Variants in ST8SIA6 observed in about 807,000 individuals in gnomAD.
ST8SIA6 encodes ST8 alpha-N-acetyl-neuraminide alpha-2,8-sialyltransferase 6, also known as alpha-2,8-sialyltransferase 8F.
ST8SIA6 carries 39 observed loss-of-function variants against 33.6 expected under a neutral mutation model. That is an observed-to-expected ratio of 1.16 (90% confidence interval 0.90 to 1.52). The LOEUF is 1.52. Among genes scored for constraint, ST8SIA6 ranks in the 40% most tolerant of loss-of-function variants. The pLI is 0.00. For synonymous variants in ST8SIA6, 172 were observed against 167.2 expected, an observed-to-expected ratio of 1.03 and a Z score of -0.22; for missense variants, 441 against 443.8, an observed-to-expected ratio of 0.99 and a Z score of 0.06.
At chr10:17,341,900 C>CAAAAAAAA (rs71393004) in intron 4 of ST8SIA6, among the ~76,000 whole-genome samples, 11 of 73,144 alleles carry the variant, frequency 1.5e-4, no homozygotes, top group Admixed American at 4.0e-4. Flanking sequence ...GGCTCCATCT[C>CAAAAAAAA]AAAAAAAAAA....
At chr10:17,452,599 C>T (rs564575511) in intron 2 of ST8SIA6, among the ~76,000 whole-genome samples, 1 of 152,128 alleles carries the variant, frequency 6.6e-6, no homozygotes, top group Admixed American at 6.5e-5. Context: ...GTCTGTCCAT[C>T]TTGGGTAATT....
intron 3 of ST8SIA6, among the ~76,000 whole-genome samples, chr10:17,368,229 C>A (rs71486230): frequency 4.3e-5 from 3 of 70,252 alleles, no homozygotes; most frequent in Non-Finnish European, 7.8e-5. Context: ...AATCCTGTCT[C>A]TACAAAAAAA....
intron 2 of ST8SIA6, among the ~76,000 whole-genome samples, chr10:17,444,877 C>G (rs1263215428): frequency 6.6e-6 from 1 of 152,166 alleles, no homozygotes; most frequent in Non-Finnish European, 1.5e-5. Flanking sequence ...GAAAAAGAAG[C>G]AGAATGCAAG....
intron 4 of ST8SIA6, among the ~76,000 whole-genome samples, chr10:17,331,856 T>C (rs1385309531): frequency 6.6e-6 from 1 of 152,232 alleles, no homozygotes; most frequent in Non-Finnish European, 1.5e-5. Context: ...TAGGTACATG[T>C]GTGCCATGGT....
chr10:17,345,939 T>C (rs925544801), intron 4 of ST8SIA6, among the ~76,000 whole-genome samples: 1 of 152,194 alleles, frequency 6.6e-6, no homozygotes, highest in Admixed American at 6.5e-5. Flanking sequence ...TTCCTCCGCT[T>C]GAATCGGGGC....
intron 3 of ST8SIA6, among the ~76,000 whole-genome samples, chr10:17,361,709 T>TG (rs1286006241): frequency 3.1e-4 from 40 of 129,340 alleles, no homozygotes; most frequent in Admixed American, 2.7e-3. Flanking sequence ...GAAAAGACAT[T>TG]GGGAAAAAAA....
In ST8SIA6 at chr10:17,318,050, C is replaced by T. The variant is rs887121935; in HGVS notation, c.*2828G>A. ...CTATATACTTAAATGAATATTTCTG[C>T]CTTGCCTTTGGATTTGGCTGAAAAT... On this transcript the variant is annotated 3_prime_UTR_variant, in exon 8 of 8. Coordinates refer to ENST00000377602, the MANE Select transcript of ST8SIA6 (RefSeq NM_001004470.3). Among the ~76,000 whole-genome samples the T allele has an allele frequency of 3.3e-5, 5 of 152,102 alleles. No homozygotes were observed. The highest frequency in any genetic ancestry group is 1.2e-4 in the African/African-American group (5 of 41,416).
At chr10:17,422,115 A>G (rs550583941) in intron 2 of ST8SIA6, among the ~76,000 whole-genome samples, 1 of 152,284 alleles carries the variant, frequency 6.6e-6, no homozygotes, top group African/African-American at 2.4e-5. Context: ...GATCTCTTTC[A>G]CTTTTAATCA....
intron 2 of ST8SIA6, among the ~76,000 whole-genome samples, chr10:17,450,400 C>T (rs1181692609): frequency 1.3e-5 from 2 of 152,186 alleles, no homozygotes; most frequent in Non-Finnish European, 2.9e-5. Flanking sequence ...TTGACCGCTG[C>T]ATCACCTAAG....
chr10:17,442,630 A>C (rs568678087), intron 2 of ST8SIA6, among the ~76,000 whole-genome samples: 71 of 152,318 alleles, frequency 4.7e-4, no homozygotes, highest in African/African-American at 1.6e-3. Context: ...TATTTATTTG[A>C]AAAAATTCTC....
At chr10:17,387,210 G>A (rs1371764461) in intron 3 of ST8SIA6, 6 of 152,002 alleles carry the variant, frequency 3.9e-5, no homozygotes, top group Non-Finnish European at 7.3e-5. Context: ...CCCCTTGCAA[G>A]CTTAAGGCCC....
At chr10:17,397,179 A>G (rs1365678250) in intron 2 of ST8SIA6, among the ~76,000 whole-genome samples, 7 of 149,658 alleles carry the variant, frequency 4.7e-5, no homozygotes, top group Non-Finnish European at 1.0e-4. Flanking sequence ...TTTCTCCTTC[A>G]GCTCCATCCT....
At chr10:17,426,685 C>A (rs116669640) in intron 2 of ST8SIA6, among the ~76,000 whole-genome samples, 2,401 of 152,286 alleles carry the variant, frequency 0.016, 65 homozygotes, top group African/African-American at 0.055. Context: ...ACGGGCTGAG[C>A]CTGGCTGCTA....
At chr10:17,327,664 G>C (rs115797019) in intron 5 of ST8SIA6, among the ~76,000 whole-genome samples, 1 of 150,516 alleles carries the variant, frequency 6.6e-6, no homozygotes, top group African/African-American at 2.4e-5. Context: ...AGCACTTTGG[G>C]AGGCTGCCAA....
At chr10:17,366,360 AAG>A (rs1849558848) in intron 3 of ST8SIA6, among the ~76,000 whole-genome samples, 2 of 152,184 alleles carry the variant, frequency 1.3e-5, no homozygotes, top group African/African-American at 4.8e-5. Context: ...TTAACTCCTG[AAG>A]ATGCCAATGT....
At chr10:17,340,763 T>A (rs566227557) in intron 4 of ST8SIA6, among the ~76,000 whole-genome samples, 14 of 152,252 alleles carry the variant, frequency 9.2e-5, no homozygotes, top group Non-Finnish European at 2.1e-4. Context: ...CAACCCAAAA[T>A]ATTTTTCTAG....
chr10:17,425,484 T>C lies in ST8SIA6; in HGVS notation c.200+28075A>G, dbSNP rs553542568. Among the ~76,000 whole-genome samples, 3 of 152,148 alleles carry C rather than the reference T, an allele frequency of 2.0e-5. No homozygotes were observed. In the East Asian group the frequency reaches 5.8e-4, roughly 30 times the overall value. ...TGAGAGGCTGAGGTGGGAGAAATGCTTGAAACTGTGAGGCGGAGGCTGCAG... is the reference window on the plus strand; with the variant it reads ...TGAGAGGCTGAGGTGGGAGAAATGCCTGAAACTGTGAGGCGGAGGCTGCAG... On this transcript the variant is annotated intron_variant, in intron 2 of 7. Coordinates refer to ENST00000377602, the MANE Select transcript of ST8SIA6 (RefSeq NM_001004470.3).
intron 4 of ST8SIA6, among the ~76,000 whole-genome samples, chr10:17,358,861 A>G (rs1389493800): frequency 6.6e-6 from 1 of 152,152 alleles, no homozygotes; most frequent in African/African-American, 2.4e-5. Context: ...GCACAGAGAC[A>G]ACTGACCTTG....
intron 2 of ST8SIA6, among the ~76,000 whole-genome samples, chr10:17,448,173 C>A (rs1852785710): frequency 6.6e-6 from 1 of 152,034 alleles, no homozygotes; most frequent in Non-Finnish European, 1.5e-5. Flanking sequence ...AGGAAAAGGA[C>A]CACAGGAAAG....
Sources: allele counts gnomAD v4.1 joint callset (sites outside exome capture counted in the v4.1 genomes callset), GRCh38; gene constraint gnomAD v4.1.1; transcripts MANE v1.5; gene names NCBI Gene and HGNC (gene_info 2026-07-23, HGNC 2026-07-21).